The following NTM variants were observed in gnomAD, a reference collection of about 807,000 sequenced individuals.
NTM encodes neurotrimin, also known as IgLON family member 2.
Under a neutral mutation model 42.1 loss-of-function variants are expected in NTM, and 13 were observed. The ratio of observed to expected loss-of-function variants is 0.31; its 90% CI spans 0.20 to 0.49. NTM has a LOEUF of 0.49. Among genes scored for constraint, NTM ranks in the 20% least tolerant of loss-of-function variants. The probability of loss-of-function intolerance (pLI) is 0.99; values close to 1 mark genes in which losing one functional copy is unlikely to be tolerated. For missense variants in NTM, 373 were observed against 452.8 expected (o/e 0.82, Z 1.60); for synonymous variants, 187 against 179.2 (o/e 1.04, Z -0.35).
At chr11:132,225,356 T>C (rs6590632) in intron 4 of NTM, among the ~76,000 whole-genome samples, 18,172 of 150,372 alleles carry the variant, frequency 0.12, 1,910 homozygotes, top group African/African-American at 0.28. Context: ...GAGCTGCTTT[T>C]GTTAGAGAGT....
chr11:132,075,312 G>T (rs1197645382), intron 2 of NTM, among the ~76,000 whole-genome samples: 1 of 152,072 alleles, frequency 6.6e-6, no homozygotes, highest in Non-Finnish European at 1.5e-5. Flanking sequence ...TAGAGCTCAT[G>T]GTAAGTGTTC....
chr11:132,082,425 A>T (rs2059194829), intron 2 of NTM, among the ~76,000 whole-genome samples: 1 of 152,170 alleles, frequency 6.6e-6, no homozygotes, highest in Admixed American at 6.5e-5. Context: ...GCTCCACTCC[A>T]TTCCCCCGGT....
chr11:132,093,714 A>G (rs992928604), intron 2 of NTM, among the ~76,000 whole-genome samples: 8 of 152,162 alleles, frequency 5.3e-5, no homozygotes, highest in Non-Finnish European at 7.3e-5. Flanking sequence ...TTACTTGTCT[A>G]TGTCACCAAC....
intron 1 of NTM, among the ~76,000 whole-genome samples, chr11:131,642,215 T>G (rs1184256297): frequency 6.6e-6 from 1 of 152,000 alleles, no homozygotes; most frequent in Non-Finnish European, 1.5e-5. Context: ...CTCACAGACA[T>G]GAAGGTGTGG....
chr11:131,721,272 G>A lies in NTM; in HGVS notation c.83-190292G>A, dbSNP rs77507620. Among the ~76,000 whole-genome samples, 1,236 of 152,056 alleles carry A rather than the reference G, an allele frequency of 8.1e-3. 59 individuals carry two copies. In the East Asian group the frequency reaches 0.14, roughly 17 times the overall value. On this transcript the variant is annotated intron_variant, in intron 1 of 8. Transcript: ENST00000683400. ...TATGTTACAATGCTACCCTTATTCC[G>A]CTCAGATTTTATCTTAGCACAATTG...
chr11:132,118,491 G>T (rs988962069), intron 2 of NTM, among the ~76,000 whole-genome samples: 1 of 152,310 alleles, frequency 6.6e-6, no homozygotes, highest in East Asian at 1.9e-4. Context: ...TGTTTTCATC[G>T]CAATCGCACA....
intron 2 of NTM, among the ~76,000 whole-genome samples, chr11:132,121,227 G>A (rs1400064783): frequency 2.0e-5 from 3 of 152,052 alleles, no homozygotes; most frequent in Non-Finnish European, 4.4e-5. Context: ...CTTCTTCCCT[G>A]GACCTCATTT....
chr11:132,134,470 T>C (rs1314680370), intron 2 of NTM, among the ~76,000 whole-genome samples: 1 of 151,770 alleles, frequency 6.6e-6, no homozygotes, highest in Non-Finnish European at 1.5e-5. Flanking sequence ...CTTTTATCCG[T>C]TGCCACCCCT....
At chr11:132,053,883 C>G (rs941621538) in intron 2 of NTM, among the ~76,000 whole-genome samples, 1 of 152,118 alleles carries the variant, frequency 6.6e-6, no homozygotes, top group Non-Finnish European at 1.5e-5. Context: ...TATCACTGGA[C>G]CTTAGGGTCT....
intron 1 of NTM, among the ~76,000 whole-genome samples, chr11:131,552,388 A>G (rs955151052): frequency 6.6e-6 from 1 of 151,982 alleles, no homozygotes; most frequent in Non-Finnish European, 1.5e-5. Flanking sequence ...GTTGAAAGAA[A>G]TGTGTGTACA....
chr11:131,746,368 A>G (rs1287778503), intron 1 of NTM, among the ~76,000 whole-genome samples: 3 of 152,128 alleles, frequency 2.0e-5, no homozygotes, highest in African/African-American at 4.8e-5. Flanking sequence ...ACATTGCCCA[A>G]TGGGGAGCTC....
intron 4 of NTM, among the ~76,000 whole-genome samples, chr11:132,292,352 A>C (rs1311483597): frequency 6.6e-6 from 1 of 152,162 alleles, no homozygotes; most frequent in African/African-American, 2.4e-5. Context: ...TGGTCTGTAC[A>C]TTTGATCATG....
intron 1 of NTM, among the ~76,000 whole-genome samples, chr11:131,659,203 A>G (rs1046390168): frequency 2.0e-5 from 3 of 152,234 alleles, no homozygotes; most frequent in African/African-American, 7.2e-5. Flanking sequence ...GCTGAGGCCA[A>G]GTGATCTCTT....
At chr11:132,058,932 G>A (rs915786470) in intron 2 of NTM, among the ~76,000 whole-genome samples, 5 of 152,206 alleles carry the variant, frequency 3.3e-5, no homozygotes, top group Non-Finnish European at 5.9e-5. Flanking sequence ...GATAGATATT[G>A]TGAAAATGTG....
chr11:131,842,234 G>A (rs574521133), intron 1 of NTM, among the ~76,000 whole-genome samples: 8 of 152,274 alleles, frequency 5.3e-5, no homozygotes, highest in Non-Finnish European at 7.4e-5. Context: ...TGGAACAGAC[G>A]GTGGTCTTTT....
chr11:132,015,537 T>G (rs1258218165), intron 2 of NTM, among the ~76,000 whole-genome samples: 1 of 152,004 alleles, frequency 6.6e-6, no homozygotes, highest in Non-Finnish European at 1.5e-5. Context: ...TGGGATACTT[T>G]TCCATTTGTT....
chr11:132,097,764 G>C (rs10894496), intron 2 of NTM, among the ~76,000 whole-genome samples: 50,861 of 152,020 alleles, frequency 0.33, 8,822 homozygotes, highest in Middle Eastern at 0.39. Flanking sequence ...TCAAATACTT[G>C]GATCTGATAG....
intron 2 of NTM, among the ~76,000 whole-genome samples, chr11:132,129,998 A>G (rs1162337126): frequency 1.3e-5 from 2 of 152,158 alleles, no homozygotes; most frequent in African/African-American, 2.4e-5. Context: ...TTCTCTCTGG[A>G]TGTTCTTAAC....
intron 4 of NTM, among the ~76,000 whole-genome samples, chr11:132,246,640 G>C (rs548497042): frequency 1.3e-5 from 2 of 152,354 alleles, no homozygotes; most frequent in South Asian, 4.1e-4. Context: ...TGAGGAGTGA[G>C]TTGAGAGGAA....
Sources: allele counts gnomAD v4.1 joint callset (sites outside exome capture counted in the v4.1 genomes callset), GRCh38; gene constraint gnomAD v4.1.1; transcripts MANE v1.5; gene names NCBI Gene and HGNC (gene_info 2026-07-23, HGNC 2026-07-21).